The following CCNY variants were observed in gnomAD, a reference collection of about 807,000 sequenced individuals.
The protein encoded by CCNY is cyclin-Y.
CCNY carries 19 observed loss-of-function variants against 42.8 expected under a neutral mutation model. The ratio of observed to expected loss-of-function variants is 0.44; its 90% CI spans 0.31 to 0.65. The LOEUF (loss-of-function observed/expected upper bound fraction) is 0.65. Among genes scored for constraint, CCNY ranks in the 30% least tolerant of loss-of-function variants. The pLI, the probability that CCNY is intolerant of heterozygous loss-of-function variation, is 0.07. For missense variants in CCNY, 370 were observed against 437.3 expected (o/e 0.85, Z 1.37); for synonymous variants, 165 against 162.7 (o/e 1.01, Z -0.11).
chr10:35,440,951 A>G (rs1838653800), intron 1 of CCNY, among the ~76,000 whole-genome samples: 1 of 152,232 alleles, frequency 6.6e-6, no homozygotes, highest in African/African-American at 2.4e-5. Flanking sequence ...GTACCTGGGA[A>G]GTTAAGGATG....
intron 3 of CCNY, among the ~76,000 whole-genome samples, chr10:35,301,884 C>T (rs1204657186): frequency 3.9e-5 from 6 of 152,160 alleles, no homozygotes; most frequent in South Asian, 2.1e-4. Flanking sequence ...CTGCCCGCCT[C>T]GGCCTCCCAA....
chr10:35,566,348 GCTT>G (rs1412769105), intron 9 of CCNY, 163 bp downstream of exon 9: 3 of 764,578 alleles, frequency 3.9e-6, no homozygotes, highest in Non-Finnish European at 6.0e-6. Flanking sequence ...GATTTGTTCT[GCTT>G]CTTTTTTCTT....
At chr10:35,323,964 G>A (rs572889213) in intron 3 of CCNY, among the ~76,000 whole-genome samples, 2 of 151,572 alleles carry the variant, frequency 1.3e-5, no homozygotes, top group Admixed American at 1.3e-4. Flanking sequence ...AGGTTGCAAT[G>A]AGCTGAGATC....
chr10:35,498,767 G>T (rs1252009593), intron 2 of CCNY, among the ~76,000 whole-genome samples: 1 of 152,166 alleles, frequency 6.6e-6, no homozygotes, highest in Admixed American at 6.5e-5. Flanking sequence ...CAGAAACTGT[G>T]CAGACTTCAT....
chr10:35,516,215 C>G lies in CCNY; in HGVS notation c.265-308C>G, dbSNP rs117999403. Among the ~76,000 whole-genome samples, 38 of 152,268 alleles carry G rather than the reference C, an allele frequency of 2.5e-4. No homozygotes were observed. The East Asian group carries it at 6.7e-3, about 27-fold the overall frequency. ...TAGTAGATCCCATGTTTCATACAAGCCATGGGGCAGGTGATTTTTGTGGAC... is the reference window on the plus strand; with the variant it reads ...TAGTAGATCCCATGTTTCATACAAGGCATGGGGCAGGTGATTTTTGTGGAC... On this transcript the variant is annotated intron_variant, in intron 3 of 9. Coordinates refer to ENST00000374704, the MANE Select transcript of CCNY (RefSeq NM_145012.6).
intron 1 of CCNY, among the ~76,000 whole-genome samples, chr10:35,406,193 C>CT (rs1564398836): frequency 1.7e-5 from 2 of 120,480 alleles, no homozygotes; most frequent in Admixed American, 8.4e-5. Context: ...TTTTTTTTTT[C>CT]TTTTTTATTT....
chr10:35,539,162 G>A (rs765261063), intron 7 of CCNY, among the ~76,000 whole-genome samples: 1 of 152,150 alleles, frequency 6.6e-6, no homozygotes, highest in Admixed American at 6.5e-5. Flanking sequence ...GATTACCATA[G>A]ATTTGAAGTT....
In CCNY at chr10:35,569,325, G is replaced by A. The variant is rs1057379081; in HGVS notation, c.*155G>A. 8 of 616,500 alleles carry A rather than the reference G, an allele frequency of 1.3e-5. No individual in the cohort carries two copies. The highest frequency in any genetic ancestry group is 2.3e-5 in the Non-Finnish European group (8 of 344,446). The allele number at this position is 616,500 out of a possible 1,614,324, so 38.2% of individuals were successfully genotyped here. ...GCCTGGATGAGCGCCCATGCAGCAA[G>A]GCTTGGAGGAAGCGTCAGTGCCCTG... is the stretch of plus-strand genomic sequence containing the variant. On this transcript the variant is annotated 3_prime_UTR_variant, in exon 10 of 10. Transcript: ENST00000374704.
intron 3 of CCNY, among the ~76,000 whole-genome samples, chr10:35,256,763 T>A (rs917610609): frequency 7.2e-6 from 1 of 139,758 alleles, no homozygotes; most frequent in Non-Finnish European, 1.6e-5. Flanking sequence ...AAAAAAAAAA[T>A]TCCACTCCTT....
intron 1 of CCNY, among the ~76,000 whole-genome samples, chr10:35,430,113 G>A (rs1311286470): frequency 1.3e-5 from 2 of 151,476 alleles, no homozygotes; most frequent in Non-Finnish European, 2.9e-5. Context: ...CGAGGCGGGC[G>A]GATCACGAGG....
chr10:35,361,287 T>C (rs1836680177), intron 1 of CCNY, among the ~76,000 whole-genome samples: 1 of 152,232 alleles, frequency 6.6e-6, no homozygotes, highest in South Asian at 2.1e-4. Flanking sequence ...AATATGACTT[T>C]ATAATTTTTT....
At chr10:35,277,356 C>T (rs749940387) in intron 3 of CCNY, among the ~76,000 whole-genome samples, 2 of 152,190 alleles carry the variant, frequency 1.3e-5, no homozygotes, top group Non-Finnish European at 2.9e-5. Context: ...TTAATTGTAT[C>T]CATCCAGTAT....
chr10:35,252,889 C>T (rs1005695297), intron 3 of CCNY, among the ~76,000 whole-genome samples: 3 of 152,102 alleles, frequency 2.0e-5, no homozygotes, highest in African/African-American at 7.2e-5. Context: ...CTTTCCAAAG[C>T]CATTCAGAAT....
intron 7 of CCNY, among the ~76,000 whole-genome samples, chr10:35,545,592 A>G (rs1303956757): frequency 6.6e-6 from 1 of 152,166 alleles, no homozygotes; most frequent in Non-Finnish European, 1.5e-5. Context: ...CTACATCTGT[A>G]AAGGCCTTGT....
At chr10:35,534,997 A>ATGTG (rs1376046634) in intron 7 of CCNY, among the ~76,000 whole-genome samples, 20 of 47,922 alleles carry the variant, frequency 4.2e-4, no homozygotes, top group Middle Eastern at 0.014. Context: ...AGATCTATAT[A>ATGTG]TATGTGTGTG....
intron 1 of CCNY, among the ~76,000 whole-genome samples, chr10:35,420,061 A>G (rs1838127717): frequency 6.6e-6 from 1 of 151,286 alleles, no homozygotes; most frequent in Non-Finnish European, 1.5e-5. Context: ...ATTGTTCTTA[A>G]TTTAGGTCCT....
intron 1 of CCNY, among the ~76,000 whole-genome samples, chr10:35,443,456 A>T (rs1182018585): frequency 6.6e-6 from 1 of 152,162 alleles, no homozygotes; most frequent in Non-Finnish European, 1.5e-5. Flanking sequence ...TTTTTTGTTA[A>T]AAACAAGACA....
intron 1 of CCNY, chr10:35,449,661 T>C: frequency 3.3e-6 from 2 of 603,556 alleles, no homozygotes; most frequent in South Asian, 7.2e-5. Flanking sequence ...CAGGGATCCA[T>C]TGCCGAGTAG....
chr10:35,296,113 G>A (rs1835467224), intron 3 of CCNY, among the ~76,000 whole-genome samples: 1 of 152,126 alleles, frequency 6.6e-6, no homozygotes, highest in Non-Finnish European at 1.5e-5. Context: ...CACAACTAGA[G>A]GAACTAGACA....
Sources: allele counts gnomAD v4.1 joint callset (sites outside exome capture counted in the v4.1 genomes callset), GRCh38; gene constraint gnomAD v4.1.1; transcripts MANE v1.5; gene names NCBI Gene and HGNC (gene_info 2026-07-23, HGNC 2026-07-21).